SORCS1: variants seen among roughly 807,000 people sequenced by gnomAD.
SORCS1 encodes sortilin related VPS10 domain containing receptor 1, also known as VPS10 domain-containing receptor SorCS1.
SORCS1 carries 60 observed loss-of-function variants against 146.1 expected under a neutral mutation model. That is an observed-to-expected ratio of 0.41 (90% CI 0.33 to 0.51). SORCS1 has a LOEUF of 0.51. SORCS1 is among the 20% of genes least tolerant of loss of function. The pLI, the probability that SORCS1 is intolerant of heterozygous loss-of-function variation, is 0.21. For synonymous variants in SORCS1, 637 were observed against 584.0 expected (o/e 1.09, Z -1.31); for missense variants, 1,352 against 1,487.6 (o/e 0.91, Z 1.50).
intron 4 of SORCS1, among the ~76,000 whole-genome samples, chr10:106,770,353 A>G (rs1415884057): frequency 6.6e-6 from 1 of 152,190 alleles, no homozygotes; most frequent in African/African-American, 2.4e-5. Flanking sequence ...TAAGCGAGTC[A>G]ATATAAACTT....
Position 106,629,745 on chromosome 10 carries a change from T to C in SORCS1, c.2476-357A>G, listed in dbSNP as rs139714733. ...GATAAAAGGTGTACACACACAACTTTAAAAATTTAGCTTACCTGGGTCAGG... is the reference window on the plus strand; with the variant it reads ...GATAAAAGGTGTACACACACAACTTCAAAAATTTAGCTTACCTGGGTCAGG... On this transcript the variant is annotated intron_variant, in intron 18 of 25. Coordinates refer to ENST00000263054, the MANE Select transcript of SORCS1 (RefSeq NM_052918.5). Among the ~76,000 whole-genome samples the C allele has an allele frequency of 1.8e-3, 268 of 152,320 alleles. 2 individuals are homozygous for C. Among genetic ancestry groups the C allele is most frequent in the African/African-American group, 6.0e-3 (248 of 41,568 alleles).
chr10:107,155,070 G>T (rs1969171927), intron 1 of SORCS1, among the ~76,000 whole-genome samples: 1 of 152,132 alleles, frequency 6.6e-6, no homozygotes, highest in Middle Eastern at 3.2e-3. Context: ...TGGTTATGTG[G>T]ACAGCCATGG....
intron 1 of SORCS1, among the ~76,000 whole-genome samples, chr10:107,008,390 T>A (rs1345719081): frequency 6.6e-6 from 1 of 152,204 alleles, no homozygotes; most frequent in Non-Finnish European, 1.5e-5. Flanking sequence ...CTGGGACAAC[T>A]AAACATGTAA....
At chr10:106,602,911 C>A (rs1490270249) in intron 23 of SORCS1, among the ~76,000 whole-genome samples, 2 of 152,214 alleles carry the variant, frequency 1.3e-5, no homozygotes, top group Non-Finnish European at 2.9e-5. Context: ...TCACCCTGCT[C>A]CCTATCGAGA....
At chr10:106,880,697 A>T (rs1247467167) in intron 2 of SORCS1, among the ~76,000 whole-genome samples, 1 of 152,208 alleles carries the variant, frequency 6.6e-6, no homozygotes, top group East Asian at 1.9e-4. Context: ...AAATAACCTA[A>T]CAAACAATGA....
chr10:107,014,541 C>T (rs1197719017), intron 1 of SORCS1, among the ~76,000 whole-genome samples: 2 of 152,072 alleles, frequency 1.3e-5, no homozygotes, highest in South Asian at 2.1e-4. Flanking sequence ...CAAAATGGAA[C>T]CGAATTCCCT....
chr10:106,614,213 T>C (rs1194526036), intron 21 of SORCS1, among the ~76,000 whole-genome samples: 2 of 152,210 alleles, frequency 1.3e-5, no homozygotes, highest in Non-Finnish European at 2.9e-5. Context: ...GCTTAACTTA[T>C]GGTGTAGCCT....
At chr10:106,928,396 G>A (rs923183058) in intron 2 of SORCS1, among the ~76,000 whole-genome samples, 2 of 152,222 alleles carry the variant, frequency 1.3e-5, no homozygotes, top group African/African-American at 2.4e-5. Context: ...CGAGTGCGGG[G>A]CCGCCAAGCC....
intron 1 of SORCS1, among the ~76,000 whole-genome samples, chr10:107,016,518 A>G (rs1296988690): frequency 6.6e-6 from 1 of 152,198 alleles, no homozygotes; most frequent in Non-Finnish European, 1.5e-5. Context: ...AAAGAAAAAA[A>G]AAATCAATTA....
intron 5 of SORCS1, among the ~76,000 whole-genome samples, chr10:106,740,472 A>G (rs1414305703): frequency 6.6e-6 from 1 of 152,252 alleles, no homozygotes; most frequent in Non-Finnish European, 1.5e-5. Flanking sequence ...TTAAAATTGA[A>G]TAAAAAAGAA....
chr10:107,077,042 C>T (rs1347301979), intron 1 of SORCS1, among the ~76,000 whole-genome samples: 1 of 152,118 alleles, frequency 6.6e-6, no homozygotes, highest in Non-Finnish European at 1.5e-5. Flanking sequence ...AATGACTCTA[C>T]CTCGGAGGGA....
At chr10:106,618,017 GCT>G in intron 21 of SORCS1, 130 bp downstream of exon 21, 1 of 1,187,976 alleles carries the variant, frequency 8.4e-7, no homozygotes, top group South Asian at 1.5e-5. Context: ...ACTCGCCTCA[GCT>G]CTTTCTCAAC....
Position 106,961,374 on chromosome 10 carries a change from T to C in SORCS1, c.559-4794A>G, listed in dbSNP as rs566788450. ...AACATTTAAGGAACCTGAGAACACC[T>C]TCCTGGTAATCTGGTTCTACATACA... On this transcript the variant is annotated intron_variant, in intron 1 of 25. Transcript: ENST00000263054. Among the ~76,000 whole-genome samples the C allele has an allele frequency of 1.6e-4, 24 of 152,344 alleles. No individual in the cohort carries two copies. The East Asian group carries it at 4.2e-3, about 27-fold the overall frequency.
intron 1 of SORCS1, among the ~76,000 whole-genome samples, chr10:106,978,723 A>G (rs1956136435): frequency 2.0e-5 from 3 of 151,642 alleles, no homozygotes; most frequent in Admixed American, 2.0e-4. Flanking sequence ...CCTTGAACCC[A>G]GGAGGCGGAG....
In SORCS1 at chr10:106,577,304, GAAC is replaced by G; in HGVS notation, c.*113_*115del. On this transcript the variant is annotated 3_prime_UTR_variant, in exon 26 of 26. Coordinates refer to ENST00000263054, the MANE Select transcript of SORCS1 (RefSeq NM_052918.5). ...ATACTTCCTGGCAAAATAGGAAACAGAACAACAAAGGAAAGAAAAAAAACACAA... is the reference window on the plus strand; with the variant it reads ...ATACTTCCTGGCAAAATAGGAAACAGAACAAAGGAAAGAAAAAAAACACAA... 2 of 1,608,428 alleles carry G rather than the reference GAAC, an allele frequency of 1.2e-6. No homozygotes were observed. The highest frequency in any genetic ancestry group is 1.7e-6 in the Non-Finnish European group (2 of 1,177,664).
chr10:106,718,783 G>A (rs531772321), intron 6 of SORCS1, among the ~76,000 whole-genome samples: 1 of 152,248 alleles, frequency 6.6e-6, no homozygotes, highest in East Asian at 1.9e-4. Flanking sequence ...TAGACACAGA[G>A]TGCTGACTGG....
At chr10:106,822,206 G>C (rs1224401962) in intron 3 of SORCS1, among the ~76,000 whole-genome samples, 2 of 152,156 alleles carry the variant, frequency 1.3e-5, no homozygotes, top group Admixed American at 6.5e-5. Context: ...TAAAATTTAA[G>C]AGTGTAGTTT....
intron 2 of SORCS1, among the ~76,000 whole-genome samples, chr10:106,905,328 A>C (rs1311207882): frequency 6.6e-6 from 1 of 152,212 alleles, no homozygotes; most frequent in African/African-American, 2.4e-5. Flanking sequence ...TTAAATTATA[A>C]ATAGATTCCT....
chr10:106,882,652 C>T (rs925505134), intron 2 of SORCS1, among the ~76,000 whole-genome samples: 1 of 152,108 alleles, frequency 6.6e-6, no homozygotes, highest in Non-Finnish European at 1.5e-5. Flanking sequence ...TGAGATTACA[C>T]ACGCACACTC....
Sources: allele counts gnomAD v4.1 joint callset (sites outside exome capture counted in the v4.1 genomes callset), GRCh38; gene constraint gnomAD v4.1.1; transcripts MANE v1.5; gene names NCBI Gene and HGNC (gene_info 2026-07-23, HGNC 2026-07-21).